ICE2: variants seen among roughly 807,000 people sequenced by gnomAD.
ICE2 encodes little elongation complex subunit 2.
ICE2 carries 87 observed loss-of-function variants against 105.4 expected under a neutral mutation model. The observed-to-expected ratio is 0.83, with a 90% CI of 0.69 to 0.99. The LOEUF (loss-of-function observed/expected upper bound fraction) is 0.99, where lower values mean the gene tolerates loss of function less well. Among genes scored for constraint, ICE2 ranks in the 50% least tolerant of loss-of-function variants. The pLI, the probability that ICE2 is intolerant of heterozygous loss-of-function variation, is 0.00. For missense variants in ICE2, 1,323 were observed against 1,146.7 expected, an observed-to-expected ratio of 1.15 and a Z score of -2.22; for synonymous variants, 399 against 392.0, an observed-to-expected ratio of 1.02 and a Z score of -0.21.
chr15:60,473,585 C>T (rs113268089), intron 3 of ICE2, among the ~76,000 whole-genome samples: 6 of 151,794 alleles, frequency 4.0e-5, no homozygotes, highest in South Asian at 4.1e-4. Flanking sequence ...GAGCCACCTA[C>T]GCCTGACCTG....
chr15:60,457,072 CATGAAAA>C (rs2064147110), intron 5 of ICE2, among the ~76,000 whole-genome samples: 2 of 152,130 alleles, frequency 1.3e-5, no homozygotes, highest in East Asian at 3.9e-4. Context: ...GTTAAAGGCA[CATGAAAA>C]TTTCAACACA....
At chr15:60,432,515 T>A (rs183089600) in intron 13 of ICE2, among the ~76,000 whole-genome samples, 27 of 152,152 alleles carry the variant, frequency 1.8e-4, no homozygotes, top group Non-Finnish European at 3.2e-4. Context: ...ATGATTTCCT[T>A]TCATTATCAT....
At chr15:60,454,780 T>A in intron 8 of ICE2, 2 of 407,894 alleles carry the variant, frequency 4.9e-6, no homozygotes, top group African/African-American at 2.1e-5. Context: ...GGTGGTTTGC[T>A]GCACGTATCA....
At position 60,468,133 on chromosome 15, in the gene ICE2, C is replaced by T. The variant is rs770357089; in HGVS notation, c.336G>A (p.Leu112=). The stretch of plus-strand genomic sequence containing the variant: ...TTGCAGGAATCTTTGCGTATTTAAC[C>T]AACAAGTCCACATAACTCCTCTGCT... The part of the protein sequence containing the change: ...QREQRSYVDL[L]VKYAKIPANS... Residue 112 remains leucine (L), a synonymous_variant, in exon 4 of 16, where the codon TTG becomes TTA. Transcript: ENST00000261520. The T allele has an allele frequency of 5.6e-6, 9 of 1,613,818 alleles. No individual in the cohort carries two copies. The highest frequency in any genetic ancestry group is 3.3e-5 in the South Asian group (3 of 91,038).
rs78517434 is a variant in ICE2, at chr15:60,478,567, C to G, written c.-93+436G>C. The G allele has an allele frequency of 2.0e-5, 5 of 248,488 alleles. No homozygotes were observed. The East Asian group carries it at 7.1e-4, about 35-fold the overall frequency. The allele number at this position is 248,488 out of a possible 1,614,324, so 15.4% of individuals were successfully genotyped here. A position where few individuals can be genotyped will look rare whatever the true frequency, so the allele number is the denominator to read the frequency against. ...AAGTGACATTTCACAAGATCACTTA[C>G]AGACATCATCAGGACTACAAATCAG... On this transcript the variant is annotated intron_variant, in intron 1 of 15. Coordinates refer to ENST00000261520, the MANE Select transcript of ICE2 (RefSeq NM_024611.6).
chr15:60,439,448 T>A (rs2063672908), intron 12 of ICE2: 1 of 152,250 alleles, frequency 6.6e-6, no homozygotes, highest in Non-Finnish European at 1.5e-5. Context: ...TGCTGCGATC[T>A]TGGCTCACTG....
At chr15:60,448,471 GATTT>G (rs1323198086) in intron 10 of ICE2, among the ~76,000 whole-genome samples, 1 of 152,198 alleles carries the variant, frequency 6.6e-6, no homozygotes, top group Non-Finnish European at 1.5e-5. Flanking sequence ...CTGAGGAGCA[GATTT>G]ATTTCACAAA....
At chr15:60,465,309 A>C (rs1187893226) in intron 5 of ICE2, among the ~76,000 whole-genome samples, 2 of 152,016 alleles carry the variant, frequency 1.3e-5, no homozygotes, top group African/African-American at 4.8e-5. Context: ...TTCCCACCTA[A>C]GCCTCCCAAG....
chr15:60,443,728 A>C (rs2063767126), intron 11 of ICE2, among the ~76,000 whole-genome samples: 1 of 152,206 alleles, frequency 6.6e-6, no homozygotes, highest in South Asian at 2.1e-4. Context: ...TTTACTATGT[A>C]ATTTTGCAAA....
intron 13 of ICE2, among the ~76,000 whole-genome samples, chr15:60,435,565 C>T (rs997345917): frequency 1.3e-5 from 2 of 149,970 alleles, no homozygotes; most frequent in Admixed American, 6.6e-5. Flanking sequence ...CACCACTGCA[C>T]TCTAGCCTGG....
chr15:60,472,807 G>A (rs185092899), intron 3 of ICE2, among the ~76,000 whole-genome samples: 19 of 152,236 alleles, frequency 1.2e-4, no homozygotes, highest in Admixed American at 3.3e-4. Context: ...GGGCAACATG[G>A]CAAGACACCA....
chr15:60,420,764 G>C lies in ICE2; in HGVS notation c.*2870C>G, dbSNP rs2063234810. On this transcript the variant is annotated 3_prime_UTR_variant, in exon 16 of 16. Coordinates refer to ENST00000261520, the MANE Select transcript of ICE2 (RefSeq NM_024611.6). The stretch of plus-strand genomic sequence containing the variant: ...AACCTTAACTACCAAGATCTGGTTA[G>C]ATGACTTGCTTACTTTATCAAAGCA... 1 of 152,108 alleles carries C rather than the reference G, an allele frequency of 6.6e-6. No homozygotes were observed. Among genetic ancestry groups the C allele is most frequent in the African/African-American group, 2.4e-5 (1 of 41,400 alleles). 9.4% of individuals were successfully genotyped at this position (152,108 alleles called of 1,614,324 possible).
chr15:60,474,740 T>C (rs2064708251), intron 3 of ICE2, among the ~76,000 whole-genome samples: 1 of 152,202 alleles, frequency 6.6e-6, no homozygotes, highest in African/African-American at 2.4e-5. Flanking sequence ...AGTCTAAGTA[T>C]AAATGAGAGA....
chr15:60,450,610 T>C (rs1377175308), intron 9 of ICE2, among the ~76,000 whole-genome samples: 2 of 152,192 alleles, frequency 1.3e-5, no homozygotes, highest in African/African-American at 4.8e-5. Context: ...GTACATCCAC[T>C]AGCCTTACAG....
In ICE2 at chr15:60,476,059, T is replaced by C; in HGVS notation, c.146+4A>G. 6.5e-7 allele frequency: 1 copy of C among 1,550,238 alleles called. No individual in the cohort carries two copies. Among genetic ancestry groups the C allele is most frequent in the Non-Finnish European group, 8.8e-7 (1 of 1,139,220 alleles). On this transcript the variant is annotated splice_donor_region_variant and intron_variant, in intron 3 of 15. Transcript: ENST00000261520. ...GGAAATAAATAACCAAATAAACATA[T>C]TACCTGTTGGATAAAACACGTAGTT...
At chr15:60,424,096 ATAAT>A (rs1359955708) in intron 15 of ICE2, among the ~76,000 whole-genome samples, 3 of 152,184 alleles carry the variant, frequency 2.0e-5, no homozygotes, top group Non-Finnish European at 4.4e-5. Flanking sequence ...TGTGTTTGAA[ATAAT>A]TAAACTGAAG....
intron 3 of ICE2, among the ~76,000 whole-genome samples, chr15:60,475,614 A>T (rs1198869619): frequency 2.0e-5 from 3 of 152,200 alleles, no homozygotes; most frequent in Admixed American, 6.5e-5. Context: ...ATATCACTTT[A>T]AATGACAGAT....
At chr15:60,440,938 A>C (rs1232559472) in intron 12 of ICE2, 1 of 152,184 alleles carries the variant, frequency 6.6e-6, no homozygotes, top group Non-Finnish European at 1.5e-5. Flanking sequence ...AGCAGTTAGG[A>C]TTACTTAGGA....
At chr15:60,457,412 G>C (rs560644038) in intron 5 of ICE2, among the ~76,000 whole-genome samples, 5 of 152,200 alleles carry the variant, frequency 3.3e-5, no homozygotes, top group Non-Finnish European at 5.9e-5. Flanking sequence ...CAGCTGTTGG[G>C]GGTGGGGAAG....
Sources: allele counts gnomAD v4.1 joint callset (sites outside exome capture counted in the v4.1 genomes callset), GRCh38; gene constraint gnomAD v4.1.1; transcripts MANE v1.5; gene names NCBI Gene and HGNC (gene_info 2026-07-23, HGNC 2026-07-21).